DOCK2: variants seen among roughly 807,000 people sequenced by gnomAD.
DOCK2 encodes dedicator of cytokinesis protein 2.
A neutral mutation model predicts 248.9 loss-of-function variants in DOCK2; 87 were observed. The ratio of observed to expected loss-of-function variants is 0.35; its 90% CI spans 0.29 to 0.42. The LOEUF (loss-of-function observed/expected upper bound fraction) is 0.42, where lower values mean the gene tolerates loss of function less well. Ranked by LOEUF, DOCK2 falls within the 10% of genes least tolerant of loss-of-function variation. The pLI is 1.00. For missense variants in DOCK2, 1,747 were observed against 2,300.2 expected, an observed-to-expected ratio of 0.76 and a Z score of 4.92; for synonymous variants, 805 against 821.6, an observed-to-expected ratio of 0.98 and a Z score of 0.35.
intron 25 of DOCK2, among the ~76,000 whole-genome samples, chr5:169,795,345 C>G (rs931179647): frequency 6.6e-6 from 1 of 152,086 alleles, no homozygotes; most frequent in Non-Finnish European, 1.5e-5. Flanking sequence ...CTAAATAGGC[C>G]GGGTTTGTTT....
At chr5:169,713,299 A>G (rs980980659) in intron 17 of DOCK2, among the ~76,000 whole-genome samples, 1 of 152,210 alleles carries the variant, frequency 6.6e-6, no homozygotes, top group African/African-American at 2.4e-5. Context: ...GGATAATAAC[A>G]GTGTCTGCTT....
chr5:169,860,422 G>C (rs1265710563), intron 27 of DOCK2, among the ~76,000 whole-genome samples: 1 of 152,124 alleles, frequency 6.6e-6, no homozygotes, highest in Non-Finnish European at 1.5e-5. Context: ...TGTGTTCTTG[G>C]CTGTCACTCA....
intron 27 of DOCK2, among the ~76,000 whole-genome samples, chr5:169,925,249 G>A (rs532617395): frequency 6.6e-6 from 1 of 152,244 alleles, no homozygotes; most frequent in South Asian, 2.1e-4. Context: ...CTGTAAAGTG[G>A]AGAAGTCAAA....
intron 40 of DOCK2, among the ~76,000 whole-genome samples, chr5:170,047,920 C>T (rs1401383681): frequency 6.6e-6 from 1 of 152,182 alleles, no homozygotes; most frequent in African/African-American, 2.4e-5. Flanking sequence ...GATTTGCTTT[C>T]AGGAGTTACT....
At chr5:169,733,704 T>C (rs6874478) in intron 22 of DOCK2, among the ~76,000 whole-genome samples, 34,759 of 151,986 alleles carry the variant, frequency 0.23, 5,245 homozygotes, top group African/African-American at 0.4. Flanking sequence ...TTTTTCTAGA[T>C]ATAGACTTAT....
At chr5:169,750,583 G>C (rs1010764195) in intron 23 of DOCK2, among the ~76,000 whole-genome samples, 39 of 152,270 alleles carry the variant, frequency 2.6e-4, no homozygotes, top group East Asian at 1.9e-4. Context: ...TACCCAGGTG[G>C]TTCTTGTCTG....
chr5:169,677,719 T>G (rs1026853398), intron 6 of DOCK2, among the ~76,000 whole-genome samples: 1 of 152,194 alleles, frequency 6.6e-6, no homozygotes, highest in Non-Finnish European at 1.5e-5. Flanking sequence ...TGTAATGAAG[T>G]GCAGGCTCTG....
At chr5:169,900,321 A>T (rs747985943) in intron 27 of DOCK2, among the ~76,000 whole-genome samples, 7 of 152,214 alleles carry the variant, frequency 4.6e-5, no homozygotes, top group Non-Finnish European at 7.3e-5. Flanking sequence ...TTCTATGATG[A>T]CTAGGAGTTC....
intron 27 of DOCK2, among the ~76,000 whole-genome samples, chr5:169,860,354 A>G (rs1035210512): frequency 4.6e-5 from 7 of 151,970 alleles, no homozygotes; most frequent in African/African-American, 1.2e-4. Flanking sequence ...ATTTACTTCA[A>G]TCCACAAATG....
intron 1 of DOCK2, among the ~76,000 whole-genome samples, chr5:169,638,423 G>C (rs2113060236): frequency 6.6e-6 from 1 of 152,328 alleles, no homozygotes; most frequent in East Asian, 1.9e-4. Context: ...GAAGGATACA[G>C]CTTCTGCCCT....
intron 6 of DOCK2, among the ~76,000 whole-genome samples, chr5:169,679,391 T>A: frequency 1.3e-5 from 2 of 152,280 alleles, no homozygotes; most frequent in Admixed American, 1.3e-4. Context: ...TCAGAGGCTG[T>A]GGAGGACAGC....
intron 25 of DOCK2, chr5:169,779,167 C>T (rs556870193): frequency 6.6e-6 from 1 of 152,320 alleles, no homozygotes; most frequent in East Asian, 1.9e-4. Context: ...GAATTACCAC[C>T]ACCCCTGATC....
At chr5:169,806,859 C>A (rs1406673199) in intron 26 of DOCK2, among the ~76,000 whole-genome samples, 1 of 150,328 alleles carries the variant, frequency 6.7e-6, no homozygotes, top group Non-Finnish European at 1.5e-5. Context: ...ACCTCCACCC[C>A]CCACCATCCC....
intron 22 of DOCK2, among the ~76,000 whole-genome samples, chr5:169,727,173 A>G (rs1370072784): frequency 2.0e-5 from 3 of 152,200 alleles, no homozygotes; most frequent in African/African-American, 7.2e-5. Flanking sequence ...AGAACTTCCA[A>G]TGACTCCTGC....
chr5:170,016,209 T>C lies in DOCK2; in HGVS notation c.3233-2751T>C, dbSNP rs545269401. On this transcript the variant is annotated intron_variant, in intron 32 of 51. Transcript: ENST00000520908. ...TTGGCACTTTAATAGCCTTTTCTAA[T>C]TGGTATCTGTTCCCAGTGAAGTTCA... Among the ~76,000 whole-genome samples the C allele has an allele frequency of 1.6e-4, 24 of 152,350 alleles. 1 individual carries two copies. In the East Asian group the frequency reaches 4.4e-3, roughly 28 times the overall value.
At chr5:169,721,119 A>G (rs1762180107) in intron 22 of DOCK2, among the ~76,000 whole-genome samples, 1 of 152,238 alleles carries the variant, frequency 6.6e-6, no homozygotes. Flanking sequence ...TCTCTGCCTC[A>G]AGGCATATAA....
intron 25 of DOCK2, among the ~76,000 whole-genome samples, chr5:169,793,123 G>C (rs1766453054): frequency 6.6e-6 from 1 of 152,176 alleles, no homozygotes; most frequent in South Asian, 2.1e-4. Flanking sequence ...TTGAGGCCAG[G>C]AAATGGTCTC....
chr5:169,955,647 A>G (rs370546855), intron 27 of DOCK2, among the ~76,000 whole-genome samples: 34 of 152,306 alleles, frequency 2.2e-4, no homozygotes, highest in African/African-American at 7.7e-4. Flanking sequence ...GCAGGAGAAG[A>G]AGGCAGGCAA....
At chr5:169,910,694 A>G (rs1229701115) in intron 27 of DOCK2, among the ~76,000 whole-genome samples, 1 of 152,212 alleles carries the variant, frequency 6.6e-6, no homozygotes, top group Non-Finnish European at 1.5e-5. Flanking sequence ...CTCTAGCTAC[A>G]AGACTCAGGG....
Sources: allele counts gnomAD v4.1 joint callset (sites outside exome capture counted in the v4.1 genomes callset), GRCh38; gene constraint gnomAD v4.1.1; transcripts MANE v1.5; gene names NCBI Gene and HGNC (gene_info 2026-07-23, HGNC 2026-07-21).